PPM1L: variants seen among roughly 807,000 people sequenced by gnomAD.
PPM1L encodes the protein protein phosphatase 1L.
In PPM1L, 13 loss-of-function variants were observed where a neutral mutation model predicts 31.4. The observed-to-expected ratio is 0.41, with a 90% CI of 0.27 to 0.66. PPM1L has a LOEUF of 0.66. Ranked by LOEUF, PPM1L falls within the 30% of genes least tolerant of loss-of-function variation. The pLI, the probability that PPM1L is intolerant of heterozygous loss-of-function variation, is 0.29. For synonymous variants in PPM1L, 184 were observed against 175.4 expected, an observed-to-expected ratio of 1.05 and a Z score of -0.39; for missense variants, 326 against 453.7, an observed-to-expected ratio of 0.72 and a Z score of 2.56.
chr3:160,993,805 A>G (rs949329529), intron 2 of PPM1L, among the ~76,000 whole-genome samples: 9 of 152,192 alleles, frequency 5.9e-5, no homozygotes, highest in Admixed American at 6.5e-5. Context: ...ACTTGAACCG[A>G]CAAATGGTAT....
At chr3:161,065,655 T>TA in intron 3 of PPM1L, 91 bp downstream of exon 3, 1 of 1,255,794 alleles carries the variant, frequency 8.0e-7, no homozygotes, top group Non-Finnish European at 1.1e-6. Flanking sequence ...AATGTCCAGT[T>TA]ATGCAGTATT....
At chr3:160,928,182 A>G (rs1309318850) in intron 1 of PPM1L, among the ~76,000 whole-genome samples, 2 of 152,190 alleles carry the variant, frequency 1.3e-5, no homozygotes, top group African/African-American at 4.8e-5. Context: ...TTTTTGTATG[A>G]CCTTGGATAC....
chr3:160,992,833 G>A (rs1177831933), intron 2 of PPM1L, among the ~76,000 whole-genome samples: 1 of 152,172 alleles, frequency 6.6e-6, no homozygotes, highest in Non-Finnish European at 1.5e-5. Context: ...GCTAGCCTGA[G>A]CTATGTGCTC....
intron 1 of PPM1L, among the ~76,000 whole-genome samples, chr3:160,876,080 C>A (rs1021979030): frequency 1.2e-4 from 18 of 152,138 alleles, no homozygotes; most frequent in Non-Finnish European, 2.2e-4. Context: ...ATCTTGATGA[C>A]CTTGGTGGAA....
chr3:160,947,683 T>G (rs1715453064), intron 1 of PPM1L, among the ~76,000 whole-genome samples: 1 of 152,194 alleles, frequency 6.6e-6, no homozygotes, highest in Admixed American at 6.5e-5. Context: ...CACCCGTCTA[T>G]GTAGCAAAAT....
chr3:161,041,612 G>T (rs775468861), intron 2 of PPM1L, among the ~76,000 whole-genome samples: 6 of 152,144 alleles, frequency 3.9e-5, no homozygotes, highest in Non-Finnish European at 7.3e-5. Flanking sequence ...TAGCCAGGTG[G>T]TGGTGGGCGC....
At chr3:160,902,918 C>T (rs1049447702) in intron 1 of PPM1L, among the ~76,000 whole-genome samples, 1 of 152,070 alleles carries the variant, frequency 6.6e-6, no homozygotes, top group Non-Finnish European at 1.5e-5. Flanking sequence ...GGATTTAGAT[C>T]ACATATCATT....
chr3:160,973,339 A>G (rs1259213724), intron 2 of PPM1L, among the ~76,000 whole-genome samples: 1 of 152,228 alleles, frequency 6.6e-6, no homozygotes, highest in African/African-American at 2.4e-5. Context: ...TATACTTCAA[A>G]GAAAATAATT....
intron 1 of PPM1L, among the ~76,000 whole-genome samples, chr3:160,833,086 A>G (rs1001244231): frequency 6.6e-6 from 1 of 152,192 alleles, no homozygotes; most frequent in Non-Finnish European, 1.5e-5. Flanking sequence ...ATGTCCCTGC[A>G]AAGGACATTA....
At chr3:160,767,779 C>T (rs1320934839) in intron 1 of PPM1L, among the ~76,000 whole-genome samples, 1 of 152,112 alleles carries the variant, frequency 6.6e-6, no homozygotes, top group Non-Finnish European at 1.5e-5. Flanking sequence ...AGTTTTTAAT[C>T]TAAAATATGG....
At position 161,052,380 on chromosome 3, in the gene PPM1L, G is replaced by A. The variant is rs1009193508; in HGVS notation, c.575-13023G>A. ...CTTATCAGGGAGAGCAGGAAGAGAG[G>A]ATTCATGGGCAGGAAAACTCACTGT... On this transcript the variant is annotated intron_variant, in intron 2 of 3. Coordinates refer to ENST00000498165, the MANE Select transcript of PPM1L (RefSeq NM_139245.4). Among the ~76,000 whole-genome samples, 3 of 152,202 alleles carry A rather than the reference G, an allele frequency of 2.0e-5. No homozygotes were observed. In the South Asian group the frequency reaches 6.2e-4, roughly 31 times the overall value.
intron 2 of PPM1L, among the ~76,000 whole-genome samples, chr3:161,014,021 C>T (rs987668542): frequency 6.6e-6 from 1 of 152,154 alleles, no homozygotes; most frequent in African/African-American, 2.4e-5. Context: ...AGCCCATTTA[C>T]ATTTAAGGTT....
intron 2 of PPM1L, among the ~76,000 whole-genome samples, chr3:161,027,460 A>G (rs2108077142): frequency 6.6e-6 from 1 of 152,342 alleles, no homozygotes; most frequent in Admixed American, 6.5e-5. Flanking sequence ...CAATCGTGGC[A>G]GAAGGCAAGG....
intron 1 of PPM1L, among the ~76,000 whole-genome samples, chr3:160,824,804 T>A (rs114262919): frequency 0.057 from 8,743 of 152,258 alleles, 271 homozygotes; most frequent in African/African-American, 0.074. Context: ...TAATTTTTTT[T>A]AAAACTGTAT....
rs1717494979 is a variant in PPM1L, at chr3:161,001,890, G to T, written c.574+39980G>T. On this transcript the variant is annotated intron_variant, in intron 2 of 3. Transcript: ENST00000498165. ...TTAGGGTACAGGTGCACAAGGTGCA[G>T]GTTAGTTACATATGTATACATGTGA... 2.6e-5 allele frequency among the ~76,000 whole-genome samples: 4 copies of T among 152,162 alleles called. No homozygotes were observed. The South Asian group carries it at 8.3e-4, about 32-fold the overall frequency.
chr3:160,793,246 TAGAA>T (rs1359532934), intron 1 of PPM1L, among the ~76,000 whole-genome samples: 1 of 152,172 alleles, frequency 6.6e-6, no homozygotes, highest in Non-Finnish European at 1.5e-5. Context: ...TTTTGATAGG[TAGAA>T]AGAGAAATGA....
chr3:161,058,854 A>G (rs1366169861), intron 2 of PPM1L, among the ~76,000 whole-genome samples: 1 of 152,176 alleles, frequency 6.6e-6, no homozygotes, highest in African/African-American at 2.4e-5. Flanking sequence ...TGTCTGAGAT[A>G]CCCCAAGTTA....
intron 2 of PPM1L, among the ~76,000 whole-genome samples, chr3:160,965,107 C>T (rs953770527): frequency 6.6e-6 from 1 of 151,458 alleles, no homozygotes; most frequent in East Asian, 1.9e-4. Flanking sequence ...AAAAATTAGC[C>T]GGGCGTGGTG....
chr3:160,999,028 A>G (rs1485371524), intron 2 of PPM1L, among the ~76,000 whole-genome samples: 3 of 152,216 alleles, frequency 2.0e-5, no homozygotes, highest in East Asian at 3.8e-4. Context: ...AGAGGATAAC[A>G]TGGTTGCTAC....
Sources: allele counts gnomAD v4.1 joint callset (sites outside exome capture counted in the v4.1 genomes callset), GRCh38; gene constraint gnomAD v4.1.1; transcripts MANE v1.5; gene names NCBI Gene and HGNC (gene_info 2026-07-23, HGNC 2026-07-21).